The following CFAP47 variants were observed in gnomAD, a reference collection of about 807,000 sequenced individuals.
The protein encoded by CFAP47 is cilia and flagella associated protein 47.
In CFAP47, 29 loss-of-function variants were observed where a neutral mutation model predicts 148.1. That is an observed-to-expected ratio of 0.20 (90% CI 0.15 to 0.27). The LOEUF is 0.27. CFAP47 is among the 10% of genes least tolerant of loss of function. The probability of loss-of-function intolerance (pLI) is 1.00; values close to 1 mark genes in which losing one functional copy is unlikely to be tolerated. For synonymous variants in CFAP47, 664 were observed against 577.3 expected, an observed-to-expected ratio of 1.15 and a Z score of -2.15; for missense variants, 1,872 against 1,697.5, an observed-to-expected ratio of 1.10 and a Z score of -1.81.
intron 36 of CFAP47, among the ~76,000 whole-genome samples, chrX:36,145,930 T>C (rs1939227116): frequency 9.0e-6 from 1 of 110,895 alleles, no homozygotes; most frequent in Admixed American, 9.6e-5. Context: ...AGGACTGAAT[T>C]TAGTGAAAAG....
intron 21 of CFAP47, among the ~76,000 whole-genome samples, chrX:36,008,217 C>G (rs947217836): frequency 9.0e-6 from 1 of 111,672 alleles, no homozygotes; most frequent in African/African-American, 3.3e-5. Flanking sequence ...TCTTCCCTGT[C>G]AGCTCTGATT....
In CFAP47 at chrX:36,276,841, G is replaced by A. The variant is rs782548112; in HGVS notation, c.7445-3646G>A. Among the ~76,000 whole-genome samples the A allele has an allele frequency of 2.7e-5, 3 of 112,166 alleles. No individual in the cohort carries two copies. In the South Asian group the frequency reaches 1.1e-3, roughly 41 times the overall value. On this transcript the variant is annotated intron_variant, in intron 49 of 63. Coordinates refer to ENST00000378653, the MANE Select transcript of CFAP47 (RefSeq NM_001304548.2). ...TAACTGAGAAAGAACAATACACCATGTGCAAAATTATTAAATATAGGATGG... is the reference window on the plus strand; with the variant it reads ...TAACTGAGAAAGAACAATACACCATATGCAAAATTATTAAATATAGGATGG...
chrX:36,378,585 G>C (rs782069396), intron 62 of CFAP47, among the ~76,000 whole-genome samples: 1 of 112,014 alleles, frequency 8.9e-6, no homozygotes, highest in African/African-American at 3.2e-5. Flanking sequence ...TGTTGCCCCA[G>C]CTGGAGTGCA....
rs942716267 is a variant in CFAP47, at chrX:36,262,042, G to A, written c.7444+10598G>A. ...GTAGTATAGTTTCAAGTCAGGTAGT[G>A]TGATGCCTTTGGCTTTGCGTTTCTT... On this transcript the variant is annotated intron_variant, in intron 49 of 63. Transcript: ENST00000378653. 1.6e-3 allele frequency among the ~76,000 whole-genome samples: 177 copies of A among 112,538 alleles called. 1 individual carries two copies. Among genetic ancestry groups the A allele is most frequent in the African/African-American group, 5.2e-3 (162 of 31,015 alleles).
intron 15 of CFAP47, among the ~76,000 whole-genome samples, chrX:35,978,210 C>T (rs984384909): frequency 8.9e-6 from 1 of 111,899 alleles, no homozygotes; most frequent in Non-Finnish European, 1.9e-5. Context: ...CAGGTGCTGA[C>T]CAACCATCTG....
chrX:35,994,819 T>C (rs1375506566), intron 18 of CFAP47, among the ~76,000 whole-genome samples: 1 of 111,633 alleles, frequency 9.0e-6, no homozygotes, highest in Non-Finnish European at 1.9e-5. Flanking sequence ...ACTCATTTAT[T>C]CATTCATTCA....
chrX:36,160,751 A>G lies in CFAP47; in HGVS notation c.6008A>G (p.His2003Arg). 1 of 296,210 alleles carries G rather than the reference A, an allele frequency of 3.4e-6. No individual in the cohort carries two copies. Among genetic ancestry groups the G allele is most frequent in the African/African-American group, 2.7e-5 (1 of 36,871 alleles). 24.4% of individuals were successfully genotyped at this position (296,210 alleles called of 1,213,427 possible). A position where few individuals can be genotyped will look rare whatever the true frequency, so the allele number is the denominator to read the frequency against. The stretch of plus-strand genomic sequence containing the variant: ...ACTGTAAATGTGAAAAACCCCTTCC[A>G]TACGGCTGGGGACTTCAGGTAAGTT... Reference protein sequence around the residue: ...EVTVNVKNPFHTAGDFSVILV... With the variant: ...EVTVNVKNPFRTAGDFSVILV... The change falls in exon 39 of 64, where the codon CAT (histidine) becomes CGT (arginine). Residue 2003 changes from histidine (H) to arginine (R), a missense_variant. Coordinates refer to ENST00000378653, the MANE Select transcript of CFAP47 (RefSeq NM_001304548.2).
At chrX:36,232,799 A>G (rs1352633050) in intron 46 of CFAP47, among the ~76,000 whole-genome samples, 23 of 111,526 alleles carry the variant, frequency 2.1e-4, no homozygotes, top group African/African-American at 7.5e-4. Context: ...TGTCCCAGAG[A>G]TTCTGGTATG....
chrX:36,109,755 T>A (rs1327404200), intron 33 of CFAP47, among the ~76,000 whole-genome samples: 2 of 111,948 alleles, frequency 1.8e-5, no homozygotes, highest in Non-Finnish European at 3.8e-5. Flanking sequence ...ATTGCAGGCC[T>A]GAGCCACCGC....
intron 49 of CFAP47, among the ~76,000 whole-genome samples, chrX:36,279,184 T>C (rs918380719): frequency 2.7e-5 from 3 of 112,140 alleles, no homozygotes; most frequent in Non-Finnish European, 5.6e-5. Context: ...AATAAAGATG[T>C]CATTTATTGG....
At chrX:35,993,814 A>G (rs1185613580) in intron 18 of CFAP47, among the ~76,000 whole-genome samples, 1 of 111,690 alleles carries the variant, frequency 9.0e-6, no homozygotes, top group Non-Finnish European at 1.9e-5. Context: ...TTAGTTAGGT[A>G]GATTAGGAAA....
In CFAP47 at chrX:36,196,366, TTCTCAAACA is replaced by T. The variant is rs1939920583; in HGVS notation, c.6322-4012_6322-4004del. On this transcript the variant is annotated intron_variant, in intron 42 of 63. Coordinates refer to ENST00000378653, the MANE Select transcript of CFAP47 (RefSeq NM_001304548.2). Reference sequence around the variant, plus strand: ...CAAAATAATATAATATTGCTCAGCCTTCTCAAACAAATAAATCACAAAACGGGAAAGATC... The same window carrying T: ...CAAAATAATATAATATTGCTCAGCCTAATAAATCACAAAACGGGAAAGATC... Among the ~76,000 whole-genome samples the T allele has an allele frequency of 2.7e-5, 3 of 111,494 alleles. No homozygotes were observed. The South Asian group carries it at 1.1e-3, about 41-fold the overall frequency.
intron 19 of CFAP47, 138 bp from the exon 20 acceptor site, chrX:36,000,145 G>A: frequency 1.6e-5 from 4 of 246,109 alleles, no homozygotes; most frequent in Non-Finnish European, 2.2e-5. Flanking sequence ...TGGGGGAGAG[G>A]AAGGAAAATG....
intron 25 of CFAP47, among the ~76,000 whole-genome samples, chrX:36,046,243 TAAG>T (rs776771113): frequency 1.8e-5 from 2 of 110,454 alleles, no homozygotes; most frequent in South Asian, 7.6e-4. Context: ...CTAAAAATAA[TAAG>T]TAGTAATTCA....
chrX:36,202,872 C>T (rs1192708077), intron 44 of CFAP47, among the ~76,000 whole-genome samples: 7 of 101,530 alleles, frequency 6.9e-5, no homozygotes, highest in East Asian at 6.1e-4. Flanking sequence ...AGTGAAACTC[C>T]GTCTCAAAAA....
At chrX:36,263,760 C>T (rs1228859818) in intron 49 of CFAP47, among the ~76,000 whole-genome samples, 1 of 111,585 alleles carries the variant, frequency 9.0e-6, no homozygotes, top group African/African-American at 3.3e-5. Context: ...ACGCCAAGAG[C>T]CCCTGTGGCC....
chrX:36,171,472 G>C (rs1156304508), intron 39 of CFAP47, among the ~76,000 whole-genome samples: 1 of 105,610 alleles, frequency 9.5e-6, no homozygotes, highest in Non-Finnish European at 2.0e-5. Context: ...ATTAATTTTT[G>C]TATAAGGTGT....
At chrX:35,999,305 C>T (rs1936886175) in intron 19 of CFAP47, among the ~76,000 whole-genome samples, 2 of 111,972 alleles carry the variant, frequency 1.8e-5, no homozygotes, top group African/African-American at 3.2e-5. Flanking sequence ...GCTGTTGTCT[C>T]GATCTCCTTT....
In CFAP47 at chrX:36,149,186, C is replaced by G. The variant is rs1939274653; in HGVS notation, c.5749C>G (p.Leu1917Val). Reference protein sequence around the residue: ...IVGRDAADFSLSQKGNVVTIS... With the variant: ...IVGRDAADFSVSQKGNVVTIS... Reference sequence around the variant, plus strand: ...TGGAAGAGATGCTGCTGACTTCTCCCTTTCCCAAAAAGGGAATGTTGTGAC... The same window carrying G: ...TGGAAGAGATGCTGCTGACTTCTCCGTTTCCCAAAAAGGGAATGTTGTGAC... Residue 1917 changes from leucine to valine, a missense_variant, in exon 37 of 64, where the codon CTT becomes GTT. Physicochemically the swap from Leu to Val is conservative, Grantham distance 32. Coordinates refer to ENST00000378653, the MANE Select transcript of CFAP47 (RefSeq NM_001304548.2). The G allele has an allele frequency of 3.4e-6, 1 of 296,486 alleles. No homozygotes were observed. The highest frequency in any genetic ancestry group is 6.1e-5 in the Admixed American group (1 of 16,349). The allele number at this position is 296,486 out of a possible 1,213,427, so 24.4% of individuals were successfully genotyped here. A position where few individuals can be genotyped will look rare whatever the true frequency, so the allele number is the denominator to read the frequency against.
Sources: allele counts gnomAD v4.1 joint callset (sites outside exome capture counted in the v4.1 genomes callset), GRCh38; gene constraint gnomAD v4.1.1; transcripts MANE v1.5; gene names NCBI Gene and HGNC (gene_info 2026-07-23, HGNC 2026-07-21).